Variants in PCNT observed in about 807,000 individuals in gnomAD.
PCNT encodes kendrin.
In PCNT, 319 loss-of-function variants were observed where a neutral mutation model predicts 380.4. That is an observed-to-expected ratio of 0.84 (90% CI 0.77 to 0.92). The LOEUF (loss-of-function observed/expected upper bound fraction) is 0.92. PCNT is among the 40% of genes least tolerant of loss of function. The probability of loss-of-function intolerance (pLI) is 0.00; values close to 1 mark genes in which losing one functional copy is unlikely to be tolerated. For synonymous variants in PCNT, 1,845 were observed against 1,735.2 expected, an observed-to-expected ratio of 1.06 and a Z score of -1.57; for missense variants, 4,400 against 4,255.3, an observed-to-expected ratio of 1.03 and a Z score of -0.95.
intron 34 of PCNT, 55 bp from the exon 35 acceptor site, chr21:46,428,340 C>T (rs1004891332): frequency 7.2e-6 from 11 of 1,532,008 alleles, no homozygotes; most frequent in Middle Eastern, 1.7e-4. Flanking sequence ...CAGGGAAGGC[C>T]GGGGCATGGG....
intron 16 of PCNT, 42 bp from the exon 17 acceptor site, chr21:46,385,790 C>T: frequency 8.1e-6 from 13 of 1,608,378 alleles, no homozygotes; most frequent in Non-Finnish European, 1.0e-5. Flanking sequence ...TTGCTTTTAA[C>T]CAAATTGTTT....
At chr21:46,346,000 T>A (rs1308633208) in intron 3 of PCNT, 128 bp from the exon 4 acceptor site, 1 of 863,580 alleles carries the variant, frequency 1.2e-6, no homozygotes, top group Non-Finnish European at 2.0e-6. Context: ...TTCTGGCCGT[T>A]GCGAGTGGTG....
At chr21:46,367,206 C>T (rs1569208160) in intron 15 of PCNT, 67 bp downstream of exon 15, 12 of 1,368,656 alleles carry the variant, frequency 8.8e-6, no homozygotes, top group Admixed American at 1.8e-5. Flanking sequence ...GTTTCCACCG[C>T]GTGTCACATG....
In PCNT at chr21:46,399,574, T is replaced by A; in HGVS notation, c.4585-16T>A. The A allele has an allele frequency of 6.3e-7, 1 of 1,579,900 alleles. No individual in the cohort carries two copies. The highest frequency in any genetic ancestry group is 8.7e-7 in the Non-Finnish European group (1 of 1,149,064). On this transcript the variant is annotated splice_polypyrimidine_tract_variant and intron_variant, in intron 24 of 46. Transcript: ENST00000359568. ...AACATTCTATTGTATTCCTCAAGCA[T>A]TTTTTGTTGTTTTAGGTTGAGTTGT...
chr21:46,409,189 A>C (rs118006582), intron 27 of PCNT, among the ~76,000 whole-genome samples: 35 of 93,430 alleles, frequency 3.7e-4, no homozygotes, highest in African/African-American at 1.1e-3. Flanking sequence ...AAAACTTTTT[A>C]CTTTTTTTTT....
At chr21:46,426,069 CTTTTTTTTTTT>C (rs760416456) in intron 33 of PCNT, 98 bp downstream of exon 33, 92 of 309,252 alleles carry the variant, frequency 3.0e-4, no homozygotes, top group African/African-American at 2.6e-3. Flanking sequence ...GGATTTCTTT[CTTTTTTTTTTT>C]TTTTTTTTTT....
chr21:46,339,301 C>T (rs563448741), intron 3 of PCNT, among the ~76,000 whole-genome samples: 1 of 152,300 alleles, frequency 6.6e-6, no homozygotes, highest in Non-Finnish European at 1.5e-5. Flanking sequence ...TTTCGCTCTG[C>T]CCCTCTCTAG....
At position 46,397,970 on chromosome 21, in the gene PCNT, C is replaced by G. The variant is rs781328478; in HGVS notation, c.4447-44C>G. 1.5e-5 allele frequency: 23 copies of G among 1,490,154 alleles called. 1 individual carries two copies. The South Asian group carries it at 2.6e-4, about 17-fold the overall frequency. The allele number at this position is 1,490,154 out of a possible 1,614,324, so 92.3% of individuals were successfully genotyped here. A position where few individuals can be genotyped will look rare whatever the true frequency, so the allele number is the denominator to read the frequency against. ...GTGGACCTTCGCTGCAAGGGGCACG[C>G]CAGCCCCGTTGGGGTGGTCCCAACA... On this transcript the variant is annotated intron_variant, in intron 22 of 46. Coordinates refer to ENST00000359568, the MANE Select transcript of PCNT (RefSeq NM_006031.6).
Position 46,422,096 on chromosome 21 carries a change from A to T in PCNT, c.7151A>T (p.Glu2384Val). 6.2e-7 allele frequency: 1 copy of T among 1,613,870 alleles called. No individual in the cohort carries two copies. Residue 2384 changes from glutamate (E) to valine (V), a missense_variant, in exon 32 of 47, where the codon GAG becomes GTG. By Grantham distance (121) the Glu-to-Val change is moderately radical. Coordinates refer to ENST00000359568, the MANE Select transcript of PCNT (RefSeq NM_006031.6). Reference protein sequence around the residue: ...RFQPLPEAMKEKEVRPKHVKA... With the variant: ...RFQPLPEAMKVKEVRPKHVKA... ...CAGCCGCTGCCGGAAGCCATGAAGGAGAAGGAAGTGCGTCCGAAGCACGTG... is the reference window on the plus strand; with the variant it reads ...CAGCCGCTGCCGGAAGCCATGAAGGTGAAGGAAGTGCGTCCGAAGCACGTG...
chr21:46,386,113 G>A (rs1422430575), intron 17 of PCNT, 130 bp downstream of exon 17: 3 of 1,067,346 alleles, frequency 2.8e-6, no homozygotes, highest in African/African-American at 1.6e-5. Context: ...CCTGGTGGAC[G>A]GGGACCCGGC....
chr21:46,422,234 T>C, intron 32 of PCNT, 110 bp downstream of exon 32: 1 of 1,365,960 alleles, frequency 7.3e-7, no homozygotes, highest in Non-Finnish European at 1.0e-6. Context: ...CAGCTTTTCC[T>C]GGGTGCCTCT....
chr21:46,340,949 T>A (rs1044462942), intron 3 of PCNT, among the ~76,000 whole-genome samples: 19 of 152,158 alleles, frequency 1.2e-4, no homozygotes, highest in Non-Finnish European at 4.4e-5. Flanking sequence ...AGTGGTGCCA[T>A]CTCAGCTCAC....
At position 46,334,719 on chromosome 21, in the gene PCNT, T is replaced by C. The variant is rs2083677722; in HGVS notation, c.590T>C (p.Ile197Thr). 1.2e-6 allele frequency: 2 copies of C among 1,613,964 alleles called. No homozygotes were observed. Among genetic ancestry groups the C allele is most frequent in the South Asian group, 1.1e-5 (1 of 91,066 alleles). ...VSDHTPEQRGIFTISDHPAEQ... is the reference protein window; with the variant it reads ...VSDHTPEQRGTFTISDHPAEQ... Reference sequence around the variant, plus strand: ...GACCACACACCAGAACAGCGTGGGATCTTCACAATCAGTGACCACCCAGCA... The same window carrying C: ...GACCACACACCAGAACAGCGTGGGACCTTCACAATCAGTGACCACCCAGCA... The change falls in exon 3 of 47, where the codon ATC becomes ACC. Residue 197 changes from isoleucine (I) to threonine (T), a missense_variant. Ile to Thr is a moderately conservative substitution (Grantham distance 89). Transcript: ENST00000359568.
In PCNT at chr21:46,389,094, T is replaced by C. The variant is rs1601931202; in HGVS notation, c.3608-105T>C. The stretch of plus-strand genomic sequence containing the variant: ...GGACGTGGCGCTGACTCATCTCGGC[T>C]GGGGCGACGTTCTGAGTTCTGTGGC... On this transcript the variant is annotated intron_variant, in intron 18 of 46. Transcript: ENST00000359568. The C allele has an allele frequency of 8.3e-6, 11 of 1,329,754 alleles. No homozygotes were observed. The East Asian group carries it at 2.4e-4, about 30-fold the overall frequency. 82.4% of individuals were successfully genotyped at this position (1,329,754 alleles called of 1,614,324 possible). A position where few individuals can be genotyped will look rare whatever the true frequency, so the allele number is the denominator to read the frequency against.
intron 25 of PCNT, 52 bp downstream of exon 25, chr21:46,399,848 A>G: frequency 2.0e-6 from 3 of 1,485,366 alleles, no homozygotes; most frequent in Non-Finnish European, 2.8e-6. Context: ...TCCCGCAGGC[A>G]TGGCTTCATC....
intron 13 of PCNT, among the ~76,000 whole-genome samples, chr21:46,361,374 G>A (rs2084710542): frequency 6.6e-6 from 1 of 152,232 alleles, no homozygotes; most frequent in South Asian, 2.1e-4. Context: ...CTGAGCGGCA[G>A]AGCGAGACTC....
chr21:46,401,865 T>A, intron 26 of PCNT, 144 bp downstream of exon 26: 3 of 841,328 alleles, frequency 3.6e-6, no homozygotes, highest in Non-Finnish European at 5.6e-6. Context: ...TTTGTTGTTG[T>A]TTGAGACAGA....
intron 34 of PCNT, 69 bp downstream of exon 34, chr21:46,427,864 CAG>C: frequency 6.5e-7 from 1 of 1,532,852 alleles, no homozygotes; most frequent in Non-Finnish European, 9.0e-7. Context: ...GAGGGTGACA[CAG>C]ACTGTTTTGT....
At position 46,431,535 on chromosome 21, in the gene PCNT, C is replaced by T. The variant is rs112087468; in HGVS notation, c.8071C>T (p.Arg2691Trp). The T allele has an allele frequency of 2.5e-6, 4 of 1,613,916 alleles. No homozygotes were observed. The highest frequency in any genetic ancestry group is 2.2e-5 in the East Asian group (1 of 44,896). ...SQSAKALEEL[R>W]ASLETQRAQS... ...GTATGTGTTTGCTGTCTAGGAGCTG[C>T]GGGCGTCTTTGGAGACACAGCGTGC... The change falls in exon 38 of 47, where the codon CGG (arginine) becomes TGG (tryptophan). Residue 2691 changes from arginine (R) to tryptophan (W), a missense_variant. Transcript: ENST00000359568.
Sources: allele counts gnomAD v4.1 joint callset (sites outside exome capture counted in the v4.1 genomes callset), GRCh38; gene constraint gnomAD v4.1.1; transcripts MANE v1.5; gene names NCBI Gene and HGNC (gene_info 2026-07-23, HGNC 2026-07-21).